Variants in ANKFY1 observed in about 807,000 individuals in gnomAD.
ANKFY1 encodes the protein ankyrin repeat and FYVE domain containing 1, also known as ankyrin repeat and FYVE domain-containing protein 1.
A neutral mutation model predicts 128.3 loss-of-function variants in ANKFY1; 47 were observed. That is an observed-to-expected ratio of 0.37 (90% CI 0.29 to 0.47). The LOEUF (loss-of-function observed/expected upper bound fraction) is 0.47, where lower values mean the gene tolerates loss of function less well. Ranked by LOEUF, ANKFY1 falls within the 20% of genes least tolerant of loss-of-function variation. The pLI is 1.00. For synonymous variants in ANKFY1, 553 were observed against 601.6 expected (o/e 0.92, Z 1.18); for missense variants, 1,222 against 1,510.6 (o/e 0.81, Z 3.17).
At chr17:4,189,803 G>C (rs2059684404) in intron 10 of ANKFY1, among the ~76,000 whole-genome samples, 1 of 152,244 alleles carries the variant, frequency 6.6e-6, no homozygotes, top group Non-Finnish European at 1.5e-5. Flanking sequence ...GCCCACGCCA[G>C]ACAGTAGGTA....
At chr17:4,186,736 C>G (rs546009165) in intron 11 of ANKFY1, 173 of 865,350 alleles carry the variant, frequency 2.0e-4, no homozygotes, top group Non-Finnish European at 2.3e-4. Flanking sequence ...CTCCTCGGGG[C>G]TGTCTTCTGT....
chr17:4,200,922 T>C (rs2059916704), intron 7 of ANKFY1, among the ~76,000 whole-genome samples: 1 of 152,220 alleles, frequency 6.6e-6, no homozygotes, highest in Non-Finnish European at 1.5e-5. Context: ...TCAGGAGTGG[T>C]AAAGCTCTCT....
At chr17:4,215,676 T>C (rs1396361399) in intron 4 of ANKFY1, among the ~76,000 whole-genome samples, 2 of 152,214 alleles carry the variant, frequency 1.3e-5, no homozygotes, top group African/African-American at 4.8e-5. Context: ...TTGACAGTTA[T>C]GAAGCCTACT....
chr17:4,192,918 C>T lies in ANKFY1; in HGVS notation c.1372+2060G>A, dbSNP rs542086459. Among the ~76,000 whole-genome samples the T allele has an allele frequency of 6.6e-5, 10 of 152,010 alleles. No individual in the cohort carries two copies. The East Asian group carries it at 1.9e-3, about 29-fold the overall frequency. On this transcript the variant is annotated intron_variant, in intron 10 of 24. Coordinates refer to ENST00000341657, the MANE Select transcript of ANKFY1 (RefSeq NM_001330063.2). ...AAAAAACTAGTGGACTAAGATTACA[C>T]GTATAATGAAAAATGAAATATATCA...
intron 3 of ANKFY1, chr17:4,223,506 C>A: frequency 3.4e-6 from 4 of 1,180,620 alleles, no homozygotes; most frequent in Non-Finnish European, 5.1e-6. Flanking sequence ...GTCTGGGGGA[C>A]AATGAAAACA....
intron 1 of ANKFY1, among the ~76,000 whole-genome samples, chr17:4,260,179 A>C (rs1968334121): frequency 1.3e-5 from 2 of 152,200 alleles, no homozygotes; most frequent in African/African-American, 4.8e-5. Flanking sequence ...CAGGAGTATT[A>C]AGAAGAGTAG....
At position 4,256,255 on chromosome 17, in the gene ANKFY1, C is replaced by T. The variant is rs571702313; in HGVS notation, c.10+7677G>A. Reference sequence around the variant, plus strand: ...CATCCTGGCTAACAGAGTGAAACCCCGTCTCTATTAAAAATACAAAAAATT... The same window carrying T: ...CATCCTGGCTAACAGAGTGAAACCCTGTCTCTATTAAAAATACAAAAAATT... On this transcript the variant is annotated intron_variant, in intron 1 of 24. Coordinates refer to ENST00000341657, the MANE Select transcript of ANKFY1 (RefSeq NM_001330063.2). Among the ~76,000 whole-genome samples, 13 of 152,154 alleles carry T rather than the reference C, an allele frequency of 8.5e-5. No homozygotes were observed. In the South Asian group the frequency reaches 1.5e-3, roughly 17 times the overall value.
chr17:4,208,340 G>C (rs141342413), intron 5 of ANKFY1, among the ~76,000 whole-genome samples: 1 of 152,178 alleles, frequency 6.6e-6, no homozygotes, highest in Non-Finnish European at 1.5e-5. Context: ...GAACCAGAAG[G>C]CTGACGTTCC....
intron 7 of ANKFY1, among the ~76,000 whole-genome samples, chr17:4,202,021 G>A (rs1335374220): frequency 1.3e-5 from 2 of 152,216 alleles, no homozygotes; most frequent in Non-Finnish European, 2.9e-5. Context: ...GGGCCTTAAT[G>A]AAAAGTCCAA....
intron 7 of ANKFY1, among the ~76,000 whole-genome samples, chr17:4,205,840 A>G (rs2060013445): frequency 6.6e-6 from 1 of 152,240 alleles, no homozygotes; most frequent in African/African-American, 2.4e-5. Context: ...ACAATTTCAA[A>G]TAACTCTGCT....
At chr17:4,239,539 G>A (rs866879494) in intron 2 of ANKFY1, among the ~76,000 whole-genome samples, 5 of 152,010 alleles carry the variant, frequency 3.3e-5, no homozygotes, top group South Asian at 2.1e-4. Context: ...TTGCATCCTC[G>A]AAATTTTGAT....
Position 4,165,521 on chromosome 17 carries a change from G to C in ANKFY1, c.*2258C>G, listed in dbSNP as rs1288369061. The C allele has an allele frequency of 1.3e-5, 2 of 152,246 alleles. No homozygotes were observed. The highest frequency in any genetic ancestry group is 2.9e-5 in the Non-Finnish European group (2 of 68,048). 9.4% of individuals were successfully genotyped at this position (152,246 alleles called of 1,614,324 possible). ...TCAGCTCCCACTCAAGCAGCCTGCT[G>C]AGTGCAGCCCAGCGAGCGTCCGCGT... On this transcript the variant is annotated 3_prime_UTR_variant, in exon 25 of 25. Transcript: ENST00000341657.
intron 3 of ANKFY1, among the ~76,000 whole-genome samples, chr17:4,233,623 T>A (rs570002596): frequency 6.6e-6 from 1 of 152,334 alleles, no homozygotes; most frequent in African/African-American, 2.4e-5. Context: ...ATGAGATAAA[T>A]GCCTACTTAG....
chr17:4,176,069 C>T (rs1195731657), intron 19 of ANKFY1, among the ~76,000 whole-genome samples: 1 of 152,210 alleles, frequency 6.6e-6, no homozygotes, highest in Non-Finnish European at 1.5e-5. Flanking sequence ...GCTTCCCCCA[C>T]ATCCAATCTG....
chr17:4,253,137 C>T (rs1967929895), intron 1 of ANKFY1, among the ~76,000 whole-genome samples: 1 of 152,088 alleles, frequency 6.6e-6, no homozygotes, highest in Admixed American at 6.6e-5. Flanking sequence ...AGGAGAATCG[C>T]TTGAACCCAG....
At chr17:4,259,344 G>A (rs536262340) in intron 1 of ANKFY1, among the ~76,000 whole-genome samples, 1 of 152,256 alleles carries the variant, frequency 6.6e-6, no homozygotes, top group Admixed American at 6.5e-5. Context: ...GCGGTGGCGC[G>A]ATCTCGGATC....
At chr17:4,190,368 G>A (rs965652155) in intron 10 of ANKFY1, among the ~76,000 whole-genome samples, 4 of 152,034 alleles carry the variant, frequency 2.6e-5, no homozygotes, top group Admixed American at 6.6e-5. Context: ...TTGAACCCAC[G>A]AGGCAGAGGT....
rs2059206323 is a variant in ANKFY1 at position 4,166,110 on chromosome 17, C to T, written c.*1669G>A. On this transcript the variant is annotated 3_prime_UTR_variant, in exon 25 of 25. Transcript: ENST00000341657. ...TTTTCTTTTAAACATTGTGCACAAG[C>T]TTATATTCACATAGAAAGCATATAC... 6.6e-6 allele frequency: 1 copy of T among 152,182 alleles called. No individual in the cohort carries two copies. The highest frequency in any genetic ancestry group is 2.4e-5 in the African/African-American group (1 of 41,436). 9.4% of individuals were successfully genotyped at this position (152,182 alleles called of 1,614,324 possible). A position where few individuals can be genotyped will look rare whatever the true frequency, so the allele number is the denominator to read the frequency against.
At chr17:4,204,690 C>G (rs2059990450) in intron 7 of ANKFY1, among the ~76,000 whole-genome samples, 1 of 151,786 alleles carries the variant, frequency 6.6e-6, no homozygotes, top group Non-Finnish European at 1.5e-5. Context: ...AGGAAAGAAA[C>G]AAAATTCTCA....
Sources: gnomAD v4.1 joint callset for allele counts (sites outside exome capture counted in the v4.1 genomes callset) on GRCh38, gnomAD v4.1.1 for gene constraint, MANE v1.5 for transcripts, NCBI Gene and HGNC (gene_info 2026-07-23, HGNC 2026-07-21) for gene names.